Variants in SYS1 observed in about 807,000 individuals in gnomAD.
SYS1 encodes the protein SYS1 golgi trafficking protein, also known as protein SYS1 homolog.
Under a neutral mutation model 17.8 loss-of-function variants are expected in SYS1, and 8 were observed. That is an observed-to-expected ratio of 0.45 (90% confidence interval 0.26 to 0.81). The LOEUF is 0.81. SYS1 is among the 40% of genes least tolerant of loss of function. SYS1 has a pLI of 0.16. For synonymous variants in SYS1, 95 were observed against 90.9 expected (o/e 1.05, Z -0.26); for missense variants, 161 against 203.9 (o/e 0.79, Z 1.28).
chr20:45,363,026 C>A, upstream of SYS1: 3 of 847,712 alleles, frequency 3.5e-6, no homozygotes, highest in Non-Finnish European at 4.3e-6. Context: ...CTTCACTCTT[C>A]CTTCTGCGCA....
chr20:45,372,529 G>C (rs1365344009), downstream of SYS1: 2 of 152,294 alleles, frequency 1.3e-5, no homozygotes, highest in Non-Finnish European at 2.9e-5. Context: ...CGCTGACAGC[G>C]CACTCAGGAC....
chr20:45,369,682 A>G (rs1378202583), downstream of SYS1, among the ~76,000 whole-genome samples: 1 of 145,802 alleles, frequency 6.9e-6, no homozygotes, highest in Non-Finnish European at 1.5e-5. Flanking sequence ...GGCTCATCAT[A>G]GCCTCAACCT....
chr20:45,367,942 G>A lies in SYS1; in HGVS notation c.*827G>A, dbSNP rs915489165. 143 of 985,420 alleles carry A rather than the reference G, an allele frequency of 1.5e-4. No homozygotes were observed. Among genetic ancestry groups the A allele is most frequent in the Non-Finnish European group, 1.7e-4 (137 of 829,948 alleles). The allele number at this position is 985,420 out of a possible 1,614,324, so 61.0% of individuals were successfully genotyped here. On this transcript the variant is annotated 3_prime_UTR_variant, in exon 4 of 4. Transcript: ENST00000243918. The stretch of plus-strand genomic sequence containing the variant: ...TGCCTTATTTAGAATTCTTTGGCGG[G>A]AAGGGTATGATGGGTTCCCAGAGAC...
chr20:45,370,478 A>G (rs908998429), downstream of SYS1, among the ~76,000 whole-genome samples: 6 of 152,154 alleles, frequency 3.9e-5, no homozygotes, highest in Non-Finnish European at 8.8e-5. Flanking sequence ...ACAGGAAAGG[A>G]AAAAGGGATG....
intron 2 of SYS1, chr20:45,365,418 C>A: frequency 1.4e-6 from 1 of 704,894 alleles, no homozygotes; most frequent in Non-Finnish European, 2.6e-6. Context: ...TAATCCCTTT[C>A]CACCTGCTGT....
Position 45,368,182 on chromosome 20 carries a change from G to T in SYS1, c.*1067G>T. The T allele has an allele frequency of 1.0e-6, 1 of 985,392 alleles. No individual in the cohort carries two copies. The highest frequency in any genetic ancestry group is 1.2e-6 in the Non-Finnish European group (1 of 829,920). The allele number at this position is 985,392 out of a possible 1,614,324, so 61.0% of individuals were successfully genotyped here. A position where few individuals can be genotyped will look rare whatever the true frequency, so the allele number is the denominator to read the frequency against. The stretch of plus-strand genomic sequence containing the variant: ...GAGAGATCAGCGCAGCCAGGCAAGG[G>T]AACTTTAAAGAATTATTAGGCCACC... On this transcript the variant is annotated 3_prime_UTR_variant, in exon 4 of 4. Transcript: ENST00000243918.
chr20:45,365,168 A>T (rs1336134559), intron 2 of SYS1: 1 of 280,304 alleles, frequency 3.6e-6, no homozygotes, highest in Non-Finnish European at 7.0e-6. Flanking sequence ...AGGGTGAAGT[A>T]GTAAGGATTT....
rs199934485 is a variant in SYS1 at position 45,366,988 on chromosome 20, C to A, written c.344C>A (p.Ser115Ter). The A allele has an allele frequency of 6.2e-7, 1 of 1,614,206 alleles. No homozygotes were observed. Among genetic ancestry groups the A allele is most frequent in the South Asian group, 1.1e-5 (1 of 91,084 alleles). The change falls in exon 4 of 4, where the codon TCG becomes TAG. Residue 115 changes from serine to a stop codon, truncating the protein, a stop_gained. Transcript: ENST00000243918. LOFTEE classifies it high-confidence loss of function. Reference protein sequence around the residue: ...GCWFYSSRFPSALTWWLVQAV... With the variant: ...GCWFYSSRFP ...TGGTTCTACAGCTCCCGTTTCCCCT[C>A]GGCGCTGACCTGGTGGCTGGTCCAA...
chr20:45,373,779 G>T, downstream of SYS1: 1 of 843,450 alleles, frequency 1.2e-6, no homozygotes, highest in South Asian at 1.5e-5. Context: ...GCCTCGGGGT[G>T]GGGGTGGGGG....
chr20:45,364,942 C>CA (rs1319518948), intron 2 of SYS1, among the ~76,000 whole-genome samples: 2 of 152,142 alleles, frequency 1.3e-5, no homozygotes, highest in African/African-American at 4.8e-5. Flanking sequence ...ATGTCAAAGA[C>CA]CTTTCTTTGT....
downstream of SYS1, chr20:45,374,041 T>C: frequency 5.0e-6 from 8 of 1,608,354 alleles, no homozygotes; most frequent in Middle Eastern, 1.7e-4. Flanking sequence ...TGTTAGGCGC[T>C]AAGACTGTCC....
At chr20:45,369,453 G>A (rs146883483), downstream of SYS1, among the ~76,000 whole-genome samples, 179 of 152,202 alleles carry the variant, frequency 1.2e-3, 2 homozygotes, top group Admixed American at 3.4e-3. Context: ...TAAACAGTCT[G>A]GTTAAATAGT....
At position 45,368,161 on chromosome 20, in the gene SYS1, G is replaced by A. The variant is rs960475689; in HGVS notation, c.*1046G>A. 2 of 985,290 alleles carry A rather than the reference G, an allele frequency of 2.0e-6. No individual in the cohort carries two copies. Among genetic ancestry groups the A allele is most frequent in the Admixed American group, 6.1e-5 (1 of 16,262 alleles). 61.0% of individuals were successfully genotyped at this position (985,290 alleles called of 1,614,324 possible). On this transcript the variant is annotated 3_prime_UTR_variant, in exon 4 of 4. Transcript: ENST00000243918. ...TAATGCCACGGTTGAGATTGAGAGA[G>A]ATCAGCGCAGCCAGGCAAGGGAACT...
chr20:45,369,285 G>C (rs1406091414), downstream of SYS1: 1 of 152,148 alleles, frequency 6.6e-6, no homozygotes, highest in African/African-American at 2.4e-5. Context: ...GAAGTAAGAA[G>C]TAACGTCATC....
Position 45,367,879 on chromosome 20 carries a change from C to T in SYS1, c.*764C>T, listed in dbSNP as rs143014984. Reference sequence around the variant, plus strand: ...ACACTGCCTGTCTTCTAGGAATGACCAGGCACCCAGCTCCCACTGGACTCC... The same window carrying T: ...ACACTGCCTGTCTTCTAGGAATGACTAGGCACCCAGCTCCCACTGGACTCC... On this transcript the variant is annotated 3_prime_UTR_variant, in exon 4 of 4. Coordinates refer to ENST00000243918, the MANE Select transcript of SYS1 (RefSeq NM_033542.4). 1.0e-6 allele frequency: 1 copy of T among 985,834 alleles called. No homozygotes were observed. The highest frequency in any genetic ancestry group is 1.7e-5 in the African/African-American group (1 of 57,356). 61.1% of individuals were successfully genotyped at this position (985,834 alleles called of 1,614,324 possible). A position where few individuals can be genotyped will look rare whatever the true frequency, so the allele number is the denominator to read the frequency against.
At chr20:45,373,645 C>T (rs985561194), downstream of SYS1, 30 of 531,028 alleles carry the variant, frequency 5.6e-5, no homozygotes, top group Non-Finnish European at 9.8e-5. Flanking sequence ...TTGTGAGGCA[C>T]TTTGCACCCA....
At chr20:45,374,401 A>G in exon 4 of SYS1, 1 of 609,150 alleles carries the variant, frequency 1.6e-6, no homozygotes. Flanking sequence ...CCTCCTGAGT[A>G]GCTGATACTA....
downstream of SYS1, chr20:45,372,599 G>A (rs1264094902): frequency 1.3e-5 from 2 of 152,304 alleles, no homozygotes; most frequent in Non-Finnish European, 2.9e-5. Context: ...TTCGAAAGTT[G>A]ATGGGATTGA....
exon 4 of SYS1, chr20:45,375,056 T>C (rs972116740): frequency 6.2e-7 from 1 of 1,613,754 alleles, no homozygotes; most frequent in African/African-American, 1.3e-5. Flanking sequence ...GGATGCCACA[T>C]AGGCATTTCA....
Sources: allele counts gnomAD v4.1 joint callset (sites outside exome capture counted in the v4.1 genomes callset), GRCh38; gene constraint gnomAD v4.1.1; transcripts MANE v1.5; gene names NCBI Gene and HGNC (gene_info 2026-07-23, HGNC 2026-07-21).